WDFY2: variants seen among roughly 807,000 people sequenced by gnomAD.
The protein encoded by WDFY2 is WD repeat and FYVE domain containing 2.
In WDFY2, 36 loss-of-function variants were observed where a neutral mutation model predicts 56.4. The ratio of observed to expected loss-of-function variants is 0.64; its 90% confidence interval spans 0.49 to 0.84. The LOEUF (loss-of-function observed/expected upper bound fraction) is 0.84, where lower values mean the gene tolerates loss of function less well. Ranked by LOEUF, WDFY2 falls within the 40% of genes least tolerant of loss-of-function variation. WDFY2 has a pLI of 0.00. For synonymous variants in WDFY2, 176 were observed against 183.7 expected, an observed-to-expected ratio of 0.96 and a Z score of 0.34; for missense variants, 444 against 512.2, an observed-to-expected ratio of 0.87 and a Z score of 1.29.
At chr13:51,667,489 GA>G (rs1287512885) in intron 2 of WDFY2, among the ~76,000 whole-genome samples, 1 of 152,140 alleles carries the variant, frequency 6.6e-6, no homozygotes, top group Non-Finnish European at 1.5e-5. Flanking sequence ...GGAGTTGGGG[GA>G]AAAGTTCATG....
intron 3 of WDFY2, among the ~76,000 whole-genome samples, chr13:51,698,166 C>T (rs1488214793): frequency 6.6e-6 from 1 of 152,152 alleles, no homozygotes; most frequent in African/African-American, 2.4e-5. Flanking sequence ...CTCTTAAGCA[C>T]CGTGCTTTGC....
chr13:51,584,465 G>A lies in WDFY2; in HGVS notation c.-223G>A. 1 of 568,408 alleles carries A rather than the reference G, an allele frequency of 1.8e-6. No homozygotes were observed. The highest frequency in any genetic ancestry group is 2.9e-6 in the Non-Finnish European group (1 of 340,114). The allele number at this position is 568,408 out of a possible 1,614,324, so 35.2% of individuals were successfully genotyped here. A position where few individuals can be genotyped will look rare whatever the true frequency, so the allele number is the denominator to read the frequency against. ...CGGCGCTCCGCCCCCTCCTCTTGTA[G>A]TGGCGCCGGCTTGCATCCCAGGTCG... On this transcript the variant is annotated 5_prime_UTR_variant, in exon 1 of 12. It adds an upstream start codon to the 5' untranslated region. Coordinates refer to ENST00000298125, the MANE Select transcript of WDFY2 (RefSeq NM_052950.4).
At chr13:51,675,387 G>A (rs1459401367) in intron 3 of WDFY2, 144 bp downstream of exon 3, 2 of 706,608 alleles carry the variant, frequency 2.8e-6, no homozygotes, top group East Asian at 5.5e-5. Context: ...TTATGGCGAG[G>A]TAAGAGATTC....
chr13:51,645,679 T>C (rs1276974001), intron 1 of WDFY2, among the ~76,000 whole-genome samples: 1 of 152,218 alleles, frequency 6.6e-6, no homozygotes, highest in Non-Finnish European at 1.5e-5. Context: ...GTCTGTAAAG[T>C]AAAGAAGGAT....
intron 3 of WDFY2, among the ~76,000 whole-genome samples, chr13:51,682,320 C>G (rs773397874): frequency 3.3e-5 from 5 of 152,162 alleles, no homozygotes; most frequent in Admixed American, 6.5e-5. Flanking sequence ...TCTAAATAAT[C>G]TATCTCCCCT....
intron 5 of WDFY2, among the ~76,000 whole-genome samples, chr13:51,727,162 G>A (rs543432599): frequency 3.4e-4 from 52 of 152,198 alleles, no homozygotes; most frequent in African/African-American, 1.2e-3. Context: ...TTATTCATTT[G>A]AAAAGCTACC....
At chr13:51,736,506 G>A (rs1952839864) in intron 6 of WDFY2, among the ~76,000 whole-genome samples, 1 of 152,074 alleles carries the variant, frequency 6.6e-6, no homozygotes, top group Admixed American at 6.5e-5. Flanking sequence ...GTTTTGTTTT[G>A]TTTGGAGACG....
At chr13:51,640,996 ATTTAAT>A (rs991186848) in intron 1 of WDFY2, among the ~76,000 whole-genome samples, 1 of 152,164 alleles carries the variant, frequency 6.6e-6, no homozygotes, top group African/African-American at 2.4e-5. Flanking sequence ...GCTCTGCTGT[ATTTAAT>A]TTTGTTAGTG....
rs549724685 is a variant in WDFY2 at position 51,756,530 on chromosome 13, C to T, written c.1064+68C>T. 5.2e-5 allele frequency: 79 copies of T among 1,528,440 alleles called. No homozygotes were observed. In the African/African-American group the frequency reaches 7.9e-4, roughly 15 times the overall value. The allele number at this position is 1,528,440 out of a possible 1,614,324, so 94.7% of individuals were successfully genotyped here. On this transcript the variant is annotated intron_variant, in intron 10 of 11. Coordinates refer to ENST00000298125, the MANE Select transcript of WDFY2 (RefSeq NM_052950.4). ...AATTTAATCTGAGCCTTGCACTCAG[C>T]GCCGCAACCATCACTCAGGTTGCTC... is the stretch of plus-strand genomic sequence containing the variant.
chr13:51,745,982 T>C (rs1338937138), intron 7 of WDFY2, among the ~76,000 whole-genome samples: 4 of 141,800 alleles, frequency 2.8e-5, no homozygotes, highest in Admixed American at 2.1e-4. Flanking sequence ...TCTTTTTTTT[T>C]TTTTTTTTTT....
chr13:51,668,617 G>A (rs1003415295), intron 2 of WDFY2, among the ~76,000 whole-genome samples: 4 of 152,086 alleles, frequency 2.6e-5, no homozygotes, highest in African/African-American at 9.7e-5. Context: ...TTGCTTTGTC[G>A]GGCTGTATTG....
intron 4 of WDFY2, 91 bp from the exon 5 acceptor site, chr13:51,719,107 G>C: frequency 6.4e-7 from 1 of 1,553,156 alleles, no homozygotes; most frequent in South Asian, 1.1e-5. Flanking sequence ...TTCTGGGGTG[G>C]GGAGAAGAGA....
At chr13:51,709,854 A>C (rs1268552990) in intron 4 of WDFY2, among the ~76,000 whole-genome samples, 2 of 152,180 alleles carry the variant, frequency 1.3e-5, no homozygotes, top group African/African-American at 4.8e-5. Context: ...TCTACCAGAG[A>C]TACAAAGAGG....
intron 1 of WDFY2, among the ~76,000 whole-genome samples, chr13:51,608,805 T>C (rs569572759): frequency 2.0e-5 from 3 of 152,354 alleles, no homozygotes; most frequent in South Asian, 4.1e-4. Flanking sequence ...TTTGAACATA[T>C]TTTCAATCAG....
Position 51,717,074 on chromosome 13 carries a change from T to TTG in WDFY2, c.335-2124_335-2123insTG, listed in dbSNP as rs1416610793. Reference sequence around the variant, plus strand: ...ACCCTGCAGCTAACATCATCCTTAATGGTGAGAAAAGAGATGCTTTCCCTC... The same window carrying TTG: ...ACCCTGCAGCTAACATCATCCTTAATTGGGTGAGAAAAGAGATGCTTTCCCTC... On this transcript the variant is annotated intron_variant, in intron 4 of 11. Transcript: ENST00000298125. Among the ~76,000 whole-genome samples, 14 of 152,270 alleles carry TTG rather than the reference T, an allele frequency of 9.2e-5. No homozygotes were observed. In the South Asian group the frequency reaches 2.9e-3, roughly 32 times the overall value.
intron 1 of WDFY2, among the ~76,000 whole-genome samples, chr13:51,635,119 T>G (rs1955020685): frequency 6.6e-6 from 1 of 151,898 alleles, no homozygotes. Flanking sequence ...TTTTTTTGTA[T>G]TTTTAGTAGA....
chr13:51,672,348 G>A (rs1343558404), intron 2 of WDFY2, among the ~76,000 whole-genome samples: 1 of 152,038 alleles, frequency 6.6e-6, no homozygotes, highest in Non-Finnish European at 1.5e-5. Flanking sequence ...TCAAAGATCT[G>A]TTGACTGTAA....
chr13:51,611,489 A>G (rs1303215900), intron 1 of WDFY2, among the ~76,000 whole-genome samples: 1 of 152,270 alleles, frequency 6.6e-6, no homozygotes, highest in African/African-American at 2.4e-5. Context: ...TATTGGATCT[A>G]TAAAGCATTT....
chr13:51,739,337 G>A (rs1566210750), intron 7 of WDFY2, among the ~76,000 whole-genome samples, 162 bp downstream of exon 7: 1 of 152,122 alleles, frequency 6.6e-6, no homozygotes, highest in Admixed American at 6.5e-5. Flanking sequence ...GTAAAACTGT[G>A]TTTATATACT....
Sources: gnomAD v4.1 joint callset for allele counts (sites outside exome capture counted in the v4.1 genomes callset) on GRCh38, gnomAD v4.1.1 for gene constraint, MANE v1.5 for transcripts, NCBI Gene and HGNC (gene_info 2026-07-23, HGNC 2026-07-21) for gene names.